Variants in HM13 observed in about 807,000 individuals in gnomAD.
HM13 encodes histocompatibility minor 13, also known as signal peptide peptidase.
HM13 carries 18 observed loss-of-function variants against 50.0 expected under a neutral mutation model. That is an observed-to-expected ratio of 0.36 (90% CI 0.25 to 0.53). HM13 has a LOEUF of 0.53. Among genes scored for constraint, HM13 ranks in the 20% least tolerant of loss-of-function variants. HM13 has a pLI of 0.90. For synonymous variants in HM13, 197 were observed against 232.6 expected (o/e 0.85, Z 1.39); for missense variants, 393 against 552.4 (o/e 0.71, Z 2.89).
chr20:31,517,841 C>T (rs1264244559), intron 1 of HM13, among the ~76,000 whole-genome samples: 2 of 151,396 alleles, frequency 1.3e-5, no homozygotes, highest in Non-Finnish European at 2.9e-5. Context: ...AAAAAAAAAT[C>T]AAGCAGTGCA....
intron 8 of HM13, among the ~76,000 whole-genome samples, chr20:31,558,981 C>T (rs905126299): frequency 1.3e-5 from 2 of 150,556 alleles, no homozygotes; most frequent in African/African-American, 2.5e-5. Context: ...TGCAGTGGCG[C>T]GATCTTGGCT....
chr20:31,539,462 C>A (rs963589585), intron 3 of HM13: 5 of 985,322 alleles, frequency 5.1e-6, no homozygotes, highest in African/African-American at 1.7e-5. Context: ...AAAGTTTGTG[C>A]ACATTGAGGG....
intron 4 of HM13, among the ~76,000 whole-genome samples, chr20:31,546,171 T>A (rs999197566): frequency 6.7e-6 from 1 of 148,224 alleles, no homozygotes; most frequent in African/African-American, 2.5e-5. Flanking sequence ...TGCCTCAGCC[T>A]CCCGAGTAGC....
At chr20:31,549,384 CA>C (rs1568793222) in intron 6 of HM13, 52 bp downstream of exon 6, 1 of 1,610,166 alleles carries the variant, frequency 6.2e-7, no homozygotes, top group Admixed American at 1.7e-5. Flanking sequence ...CATCTCATCT[CA>C]TCACCCTGCC....
intron 2 of HM13, 26 bp from the exon 3 acceptor site, chr20:31,538,153 T>C: frequency 6.2e-7 from 1 of 1,612,330 alleles, no homozygotes; most frequent in South Asian, 1.1e-5. Context: ...CCTAACTTCC[T>C]GTTTCTCTTT....
At chr20:31,546,754 CAAA>C (rs542344354) in intron 4 of HM13, among the ~76,000 whole-genome samples, 14 of 116,746 alleles carry the variant, frequency 1.2e-4, no homozygotes, top group Admixed American at 1.8e-4. Context: ...GACCCTGTCT[CAAA>C]AAAAAAAAAA....
At chr20:31,545,839 C>A (rs1260855022) in intron 4 of HM13, among the ~76,000 whole-genome samples, 3 of 151,978 alleles carry the variant, frequency 2.0e-5, no homozygotes, top group Non-Finnish European at 2.9e-5. Flanking sequence ...AGATTACAGG[C>A]GTGTGCTACC....
intron 3 of HM13, chr20:31,538,470 G>T: frequency 7.1e-7 from 1 of 1,413,298 alleles, no homozygotes; most frequent in Non-Finnish European, 9.2e-7. Context: ...GACATGATGA[G>T]GATCTGGTGG....
At chr20:31,540,354 A>G (rs1983369081) in intron 3 of HM13, 1 of 152,244 alleles carries the variant, frequency 6.6e-6, no homozygotes, top group Non-Finnish European at 1.5e-5. Flanking sequence ...ACTTGCAGAC[A>G]TTGGGTGTCC....
At chr20:31,559,881 T>C (rs1984515240) in intron 9 of HM13, among the ~76,000 whole-genome samples, 1 of 152,260 alleles carries the variant, frequency 6.6e-6, no homozygotes, top group Admixed American at 6.5e-5. Flanking sequence ...AAGGGCCTGG[T>C]GGTACTCACA....
chr20:31,515,646 T>A (rs1600602877), intron 1 of HM13, among the ~76,000 whole-genome samples: 1 of 151,988 alleles, frequency 6.6e-6, no homozygotes, highest in East Asian at 1.9e-4. Flanking sequence ...CCAGACTCCA[T>A]CCCTGGCCTT....
At chr20:31,559,719 A>G (rs1487535966) in intron 9 of HM13, 72 bp downstream of exon 9, 2 of 1,468,426 alleles carry the variant, frequency 1.4e-6, no homozygotes, top group Non-Finnish European at 1.9e-6. Flanking sequence ...GAGCCCAGAG[A>G]AGGTACCTCA....
chr20:31,515,257 C>T (rs1319726075), intron 1 of HM13, among the ~76,000 whole-genome samples: 1 of 152,216 alleles, frequency 6.6e-6, no homozygotes, highest in Admixed American at 6.5e-5. Context: ...GAATCTATGG[C>T]ACCTTATGTG....
chr20:31,545,122 A>G (rs937754739), intron 4 of HM13, 87 bp downstream of exon 4: 6 of 1,005,208 alleles, frequency 6.0e-6, no homozygotes, highest in African/African-American at 3.2e-5. Context: ...GGGTTCTCCA[A>G]TAGAGCAACT....
intron 8 of HM13, among the ~76,000 whole-genome samples, chr20:31,557,346 C>T (rs1000652916): frequency 1.3e-5 from 2 of 152,240 alleles, no homozygotes. Context: ...AAGTTCCAGG[C>T]TTGAGACAGG....
intron 11 of HM13, chr20:31,567,656 T>A (rs922419006): frequency 3.2e-5 from 5 of 158,526 alleles, no homozygotes; most frequent in African/African-American, 1.2e-4. Context: ...ATTCCAAAGC[T>A]GTAACAGAGA....
intron 1 of HM13, among the ~76,000 whole-genome samples, chr20:31,524,750 G>T: frequency 8.0e-6 from 1 of 125,264 alleles, no homozygotes. Context: ...GTCTCGCTCT[G>T]TCGCCCAGGC....
chr20:31,517,847 G>C (rs1194141347), intron 1 of HM13, among the ~76,000 whole-genome samples: 1 of 151,834 alleles, frequency 6.6e-6, no homozygotes, highest in Non-Finnish European at 1.5e-5. Flanking sequence ...AAATCAAGCA[G>C]TGCAGAAGTA....
rs202118165 is a variant in HM13, at chr20:31,559,564, G to C, written c.809-47G>C. 8 of 1,600,454 alleles carry C rather than the reference G, an allele frequency of 5.0e-6. No individual in the cohort carries two copies. In the African/African-American group the frequency reaches 9.4e-5, roughly 19 times the overall value. ...GGACCCAGTCTCCTGTTAGTTCACTGCCCTGCTGCTTCCCTGCCACTCTCT... is the reference window on the plus strand; with the variant it reads ...GGACCCAGTCTCCTGTTAGTTCACTCCCCTGCTGCTTCCCTGCCACTCTCT... On this transcript the variant is annotated intron_variant, in intron 8 of 12. Transcript: ENST00000398174.
Sources: allele counts gnomAD v4.1 joint callset (sites outside exome capture counted in the v4.1 genomes callset), GRCh38; gene constraint gnomAD v4.1.1; transcripts MANE v1.5; gene names NCBI Gene and HGNC (gene_info 2026-07-23, HGNC 2026-07-21).